The following LPA variants were observed in gnomAD, a reference collection of about 807,000 sequenced individuals.
LPA encodes the protein apolipoprotein(a).
LPA carries 199 observed loss-of-function variants against 197.9 expected under a neutral mutation model. The observed-to-expected ratio is 1.01, with a 90% confidence interval of 0.90 to 1.13. The LOEUF (loss-of-function observed/expected upper bound fraction) is 1.13, where lower values mean the gene tolerates loss of function less well. Among genes scored for constraint, LPA ranks in the 50% most tolerant of loss-of-function variants. LPA has a pLI of 0.00. For synonymous variants in LPA, 715 were observed against 639.5 expected (o/e 1.12, Z -1.78); for missense variants, 1,853 against 1,785.8 (o/e 1.04, Z -0.68).
chr6:160,659,865 T>C (rs1449378423), intron 1 of LPA, among the ~76,000 whole-genome samples: 3 of 151,584 alleles, frequency 2.0e-5, no homozygotes, highest in African/African-American at 7.3e-5. Flanking sequence ...CCTGAGCCCA[T>C]ACTTTAATCT....
chr6:160,532,870 C>A (rs1308671987), intron 37 of LPA, among the ~76,000 whole-genome samples: 1 of 152,182 alleles, frequency 6.6e-6, no homozygotes, highest in Non-Finnish European at 1.5e-5. Flanking sequence ...TGGGCTTTGT[C>A]ATGCTGCTTT....
intron 22 of LPA, among the ~76,000 whole-genome samples, chr6:160,592,218 A>G (rs1779043618): frequency 6.7e-6 from 1 of 149,902 alleles, no homozygotes. Context: ...TGGTTCAGTC[A>G]TTGTGTGTAT....
chr6:160,600,335 G>C (rs892771543), intron 19 of LPA, among the ~76,000 whole-genome samples: 1 of 152,132 alleles, frequency 6.6e-6, no homozygotes, highest in African/African-American at 2.4e-5. Context: ...ATCAGAAAGA[G>C]GCAAAAGCAC....
At chr6:160,608,951 C>A (rs1779420476) in intron 16 of LPA, among the ~76,000 whole-genome samples, 1 of 151,878 alleles carries the variant, frequency 6.6e-6, no homozygotes, top group Admixed American at 6.6e-5. Context: ...TCAGAAATGT[C>A]TAAATTGATC....
intron 22 of LPA, among the ~76,000 whole-genome samples, chr6:160,593,355 C>T (rs564446794): frequency 7.9e-5 from 12 of 152,308 alleles, no homozygotes; most frequent in Middle Eastern, 3.4e-3. Flanking sequence ...GAAACGCTGA[C>T]GTGGTCTGAA....
At position 160,589,643 on chromosome 6, in the gene LPA, A is replaced by G. The variant is rs773982485; in HGVS notation, c.3857T>C (p.Phe1286Ser). The G allele has an allele frequency of 4.3e-6, 7 of 1,613,806 alleles. No individual in the cohort carries two copies. The highest frequency in any genetic ancestry group is 5.9e-6 in the Non-Finnish European group (7 of 1,179,876). ...HGDGQSYRGS[F>S]STTVTGRTCQ... ...TGTCCTTCCTGTAACAGTGGTGGAG[A>G]ATGAGCCTCGATAACTCTGTCCATC... The change falls in exon 24 of 39, where the codon TTC becomes TCC. Residue 1286 changes from phenylalanine to serine, a missense_variant. By Grantham distance (155) the Phe-to-Ser change is radical (BLOSUM62 -2). Transcript: ENST00000316300.
chr6:160,561,065 A>G (rs1448003274), intron 28 of LPA, among the ~76,000 whole-genome samples: 1 of 151,994 alleles, frequency 6.6e-6, no homozygotes, highest in Non-Finnish European at 1.5e-5. Context: ...GCCCACGACC[A>G]CACCCAGCTA....
chr6:160,592,265 C>T (rs760935320), intron 22 of LPA, among the ~76,000 whole-genome samples: 3 of 152,180 alleles, frequency 2.0e-5, no homozygotes, highest in Non-Finnish European at 4.4e-5. Flanking sequence ...TGTGGTTTGT[C>T]TAGCTTTAAT....
At chr6:160,596,265 T>A (rs1332246176) in intron 20 of LPA, among the ~76,000 whole-genome samples, 2 of 152,216 alleles carry the variant, frequency 1.3e-5, no homozygotes, top group African/African-American at 4.8e-5. Flanking sequence ...TGTTCAATCA[T>A]ATGGATCTTT....
chr6:160,590,971 C>A lies in LPA; in HGVS notation c.3760G>T (p.Ala1254Ser). ...TGTTCAGAAACAGCCGTGGACGTCG[C>A]AAGGACACTTGATTCTGTCACTGGA... ...QCPVTESSVL[A>S]TSTAVSEQAP... Residue 1254 changes from alanine (A) to serine (S), a missense_variant, in exon 23 of 39, where the codon GCG becomes TCG. This residue lies in a region of LPA where 1,737 missense variants were observed against 1,504.4 expected (regional missense o/e 1.15). Coordinates refer to ENST00000316300, the MANE Select transcript of LPA (RefSeq NM_005577.4). 2 of 1,614,028 alleles carry A rather than the reference C, an allele frequency of 1.2e-6. No individual in the cohort carries two copies. Among genetic ancestry groups the A allele is most frequent in the Non-Finnish European group, 1.7e-6 (2 of 1,179,918 alleles).
intron 4 of LPA, among the ~76,000 whole-genome samples, chr6:160,643,059 G>T (rs1779865065): frequency 7.0e-6 from 1 of 142,746 alleles, no homozygotes; most frequent in Non-Finnish European, 1.5e-5. Context: ...GTTTCTGCGT[G>T]TGTGTGAGTA....
chr6:160,610,964 C>T (rs754303234), intron 16 of LPA, among the ~76,000 whole-genome samples: 5 of 152,162 alleles, frequency 3.3e-5, no homozygotes. Context: ...TTCTATCCAT[C>T]TACCCATCCC....
At chr6:160,584,281 C>CTTT (rs1583596641) in intron 26 of LPA, among the ~76,000 whole-genome samples, 1 of 148,522 alleles carries the variant, frequency 6.7e-6, no homozygotes, top group South Asian at 2.2e-4. Context: ...TCTTCTTCTT[C>CTTT]TTCTTCTTCT....
chr6:160,590,766 C>A (rs1306808816), intron 23 of LPA, among the ~76,000 whole-genome samples, 178 bp downstream of exon 23: 1 of 152,058 alleles, frequency 6.6e-6, no homozygotes, highest in East Asian at 1.9e-4. Context: ...TCACGGGGTG[C>A]CAAAAATCTC....
intron 6 of LPA, among the ~76,000 whole-genome samples, chr6:160,635,688 A>G (rs1398964367): frequency 1.7e-5 from 2 of 117,750 alleles, no homozygotes; most frequent in Non-Finnish European, 3.6e-5. Context: ...TTCACATGCA[A>G]ATGCATCTGT....
rs771903485 is a variant in LPA at position 160,553,954 on chromosome 6, T to TGTGTGTGTGTGTGCGCGC, written c.4973+2070_4973+2071insGCGCGCACACACACACAC. Among the ~76,000 whole-genome samples, 561 of 130,772 alleles carry TGTGTGTGTGTGTGCGCGC rather than the reference T, an allele frequency of 4.3e-3. 4 individuals are homozygous for TGTGTGTGTGTGTGCGCGC. Among genetic ancestry groups the TGTGTGTGTGTGTGCGCGC allele is most frequent in the African/African-American group, 0.014 (468 of 33,054 alleles). The allele number at this position is 130,772 out of a possible 152,430, so 85.8% of individuals were successfully genotyped here. ...CTCTCTCTCTGTGTGTGTGTGTGTG[T>TGTGTGTGTGTGTGCGCGC]GCGCGCGCGCGCGTGTGCGTGTGTG... On this transcript the variant is annotated intron_variant, in intron 30 of 38. Transcript: ENST00000316300.
At position 160,547,728 on chromosome 6, in the gene LPA, C is replaced by T. The variant is rs1778095474; in HGVS notation, c.5304+61G>A. The T allele has an allele frequency of 3.1e-6, 5 of 1,611,200 alleles. No homozygotes were observed. In the Admixed American group the frequency reaches 8.3e-5, roughly 27 times the overall value. On this transcript the variant is annotated intron_variant, in intron 32 of 38. Coordinates refer to ENST00000316300, the MANE Select transcript of LPA (RefSeq NM_005577.4). ...GTCTTTCCAGTATTTTCCTCTGCCC[C>T]TCTTCTGTTTGAAAAGATTTGTCAG... is the stretch of plus-strand genomic sequence containing the variant.
intron 16 of LPA, 41 bp from the exon 17 acceptor site, chr6:160,606,699 A>G (rs913204292): frequency 9.3e-6 from 15 of 1,609,184 alleles, no homozygotes; most frequent in Non-Finnish European, 1.3e-5. Flanking sequence ...GAGGTGGGAC[A>G]ATATGCAGGG....
At chr6:160,646,094 T>C in intron 3 of LPA, 120 bp downstream of exon 3, 1 of 5,660 alleles carries the variant, frequency 1.8e-4, no homozygotes, top group South Asian at 1.3e-3. Flanking sequence ...TCCTACATGG[T>C]AGAACTCAGG....
Sources: allele counts gnomAD v4.1 joint callset (sites outside exome capture counted in the v4.1 genomes callset), GRCh38; gene constraint gnomAD v4.1.1; regional missense constraint gnomAD v4.1.1; transcripts MANE v1.5; gene names NCBI Gene and HGNC (gene_info 2026-07-23, HGNC 2026-07-21).